Variants in VAV3 observed in about 807,000 individuals in gnomAD.
The protein encoded by VAV3 is vav guanine nucleotide exchange factor 3, also known as guanine nucleotide exchange factor VAV3.
In VAV3, 94 loss-of-function variants were observed where a neutral mutation model predicts 131.2. That is an observed-to-expected ratio of 0.72 (90% CI 0.61 to 0.85). The LOEUF is 0.85. Among genes scored for constraint, VAV3 ranks in the 40% least tolerant of loss-of-function variants. VAV3 has a pLI of 0.00. For missense variants in VAV3, 939 were observed against 1,002.7 expected (o/e 0.94, Z 0.86); for synonymous variants, 349 against 342.0 (o/e 1.02, Z -0.22).
intron 1 of VAV3, among the ~76,000 whole-genome samples, chr1:107,893,905 A>G (rs535955527): frequency 3.9e-5 from 6 of 152,336 alleles, no homozygotes; most frequent in African/African-American, 1.4e-4. Flanking sequence ...CCAAAATAGG[A>G]AAACTCTTTC....
At chr1:107,648,943 T>C (rs1023370588) in intron 19 of VAV3, among the ~76,000 whole-genome samples, 2 of 151,684 alleles carry the variant, frequency 1.3e-5, no homozygotes, top group Admixed American at 6.6e-5. Context: ...AAGGAGGAGG[T>C]AGAACTTTTC....
intron 15 of VAV3, among the ~76,000 whole-genome samples, chr1:107,735,790 G>T (rs1421292955): frequency 1.3e-5 from 2 of 151,996 alleles, no homozygotes; most frequent in African/African-American, 4.8e-5. Flanking sequence ...AAAGGAGGTG[G>T]TACATTCCTT....
Position 107,596,337 on chromosome 1 carries a change from A to G in VAV3, c.2225T>C (p.Leu742Pro). Residue 742 changes from leucine (L) to proline (P), a missense_variant, in exon 25 of 27, where the codon CTT becomes CCT. Transcript: ENST00000370056. ...AGAATGATGCTTGTAGTACTCCACA[A>G]GTTCCTTTGGAAAAAAGAATCCAAC... ...ENRKFKSLME[L>P]VEYYKHHSLK... The G allele has an allele frequency of 6.2e-7, 1 of 1,610,992 alleles. No individual in the cohort carries two copies. Among genetic ancestry groups the G allele is most frequent in the Non-Finnish European group, 8.5e-7 (1 of 1,178,778 alleles).
intron 1 of VAV3, among the ~76,000 whole-genome samples, chr1:107,948,018 A>C (rs1571178928): frequency 6.6e-6 from 1 of 152,352 alleles, no homozygotes; most frequent in East Asian, 1.9e-4. Flanking sequence ...ACCTGGCTTA[A>C]AATAGCAAAA....
Position 107,942,445 on chromosome 1 carries a change from C to T in VAV3, c.204+22221G>A, listed in dbSNP as rs1353723362. On this transcript the variant is annotated intron_variant, in intron 1 of 26. Coordinates refer to ENST00000370056, the MANE Select transcript of VAV3 (RefSeq NM_006113.5). Reference sequence around the variant, plus strand: ...ACATCTTTAAAGGGACACTTGGCAACATTTTCTGAACCTGGTAAAAAAATT... The same window carrying T: ...ACATCTTTAAAGGGACACTTGGCAATATTTTCTGAACCTGGTAAAAAAATT... Among the ~76,000 whole-genome samples the T allele has an allele frequency of 2.6e-5, 4 of 152,328 alleles. 1 individual carries two copies. The highest frequency in any genetic ancestry group is 6.8e-3 in the Middle Eastern group (2 of 294).
intron 2 of VAV3, among the ~76,000 whole-genome samples, chr1:107,782,389 C>A (rs1268843460): frequency 6.6e-6 from 1 of 152,096 alleles, no homozygotes; most frequent in East Asian, 1.9e-4. Flanking sequence ...TCATGAGTGT[C>A]CACCAGAGGG....
At chr1:107,671,234 T>C (rs1400819068) in intron 19 of VAV3, among the ~76,000 whole-genome samples, 2 of 152,222 alleles carry the variant, frequency 1.3e-5, no homozygotes, top group African/African-American at 2.4e-5. Flanking sequence ...CACGATTTTG[T>C]TGGGGCATTT....
chr1:107,875,822 A>C (rs1190422609), intron 1 of VAV3, among the ~76,000 whole-genome samples: 1 of 152,214 alleles, frequency 6.6e-6, no homozygotes, highest in East Asian at 1.9e-4. Flanking sequence ...AACCCAGGTG[A>C]GAGACAACTG....
intron 25 of VAV3, among the ~76,000 whole-genome samples, chr1:107,585,576 C>T (rs948573740): frequency 2.6e-5 from 4 of 152,058 alleles, no homozygotes; most frequent in Non-Finnish European, 4.4e-5. Flanking sequence ...GCCACATTGC[C>T]CAGTCAGACA....
At chr1:107,913,969 A>AT (rs1186119598) in intron 1 of VAV3, among the ~76,000 whole-genome samples, 1 of 152,014 alleles carries the variant, frequency 6.6e-6, no homozygotes, top group Non-Finnish European at 1.5e-5. Flanking sequence ...TAATTTTTGT[A>AT]TTTTTAGTAG....
At chr1:107,750,027 C>T (rs1398539864) in intron 13 of VAV3, among the ~76,000 whole-genome samples, 1 of 151,974 alleles carries the variant, frequency 6.6e-6, no homozygotes, top group Non-Finnish European at 1.5e-5. Flanking sequence ...TCATCCCTTT[C>T]ACAAACATGA....
In VAV3 at chr1:107,765,091, G is replaced by T. The variant is rs745615699; in HGVS notation, c.906C>A (p.Val302=). The T allele has an allele frequency of 6.2e-7, 1 of 1,612,524 alleles. No individual in the cohort carries two copies. The highest frequency in any genetic ancestry group is 8.5e-7 in the Non-Finnish European group (1 of 1,178,900). ...AAATAGGCACCTCTAATTTCAGTTTGACATCTTCTTTTGTCTTAGAAATGT... is the reference window on the plus strand; with the variant it reads ...AAATAGGCACCTCTAATTTCAGTTTTACATCTTCTTTTGTCTTAGAAATGT... ...LDYISKTKED[V]KLKLEECSKR... Residue 302 remains valine, a synonymous_variant, in exon 9 of 27, where the codon GTC becomes GTA. Transcript: ENST00000370056.
At chr1:107,670,111 T>C (rs1355048550) in intron 19 of VAV3, among the ~76,000 whole-genome samples, 1 of 152,198 alleles carries the variant, frequency 6.6e-6, no homozygotes, top group Non-Finnish European at 1.5e-5. Context: ...AACTGAGGCT[T>C]ATTAAATTGT....
intron 19 of VAV3, among the ~76,000 whole-genome samples, chr1:107,651,551 A>AGGGG (rs1656172522): frequency 1.5e-5 from 1 of 66,294 alleles, no homozygotes; most frequent in African/African-American, 6.0e-5. Flanking sequence ...GAAGGGAGGG[A>AGGGG]GGGAGGGAGG....
intron 2 of VAV3, among the ~76,000 whole-genome samples, chr1:107,871,573 G>C (rs1670255160): frequency 6.6e-6 from 1 of 151,980 alleles, no homozygotes; most frequent in South Asian, 2.1e-4. Flanking sequence ...AGTTTGAAGT[G>C]AATTACTACT....
At chr1:107,701,587 A>G (rs565737794) in intron 17 of VAV3, among the ~76,000 whole-genome samples, 5 of 152,362 alleles carry the variant, frequency 3.3e-5, no homozygotes, top group African/African-American at 1.2e-4. Context: ...AAACTTCTGC[A>G]GCAAGCTTGA....
chr1:107,853,511 A>ACTTG (rs1669324822), intron 2 of VAV3, among the ~76,000 whole-genome samples: 1 of 152,128 alleles, frequency 6.6e-6, no homozygotes, highest in Non-Finnish European at 1.5e-5. Flanking sequence ...ATAAATGAAA[A>ACTTG]TGTATCACCT....
chr1:107,700,275 AT>A (rs67634108), intron 17 of VAV3, among the ~76,000 whole-genome samples: 127,762 of 152,164 alleles, frequency 0.84, 54,061 homozygotes, highest in Middle Eastern at 0.96. Context: ...AGCAATAAGC[AT>A]TTTTTAAAGT....
At chr1:107,766,594 C>CA (rs777440436) in intron 7 of VAV3, 44 bp from the exon 8 acceptor site, 4 of 1,456,256 alleles carry the variant, frequency 2.7e-6, no homozygotes, top group Non-Finnish European at 2.9e-6. Context: ...GAATAACAAC[C>CA]AAAAAATACA....
Sources: allele counts gnomAD v4.1 joint callset (sites outside exome capture counted in the v4.1 genomes callset), GRCh38; gene constraint gnomAD v4.1.1; transcripts MANE v1.5; gene names NCBI Gene and HGNC (gene_info 2026-07-23, HGNC 2026-07-21).